The following TCF4 variants were observed in gnomAD, a reference collection of about 807,000 sequenced individuals.
The protein encoded by TCF4 is SL3-3 enhancer factor 2.
In TCF4, 3 loss-of-function variants were observed where a neutral mutation model predicts 82.1. The observed-to-expected ratio is 0.04, with a 90% CI of 0.02 to 0.09. TCF4 has a LOEUF of 0.09. Among genes scored for constraint, TCF4 ranks in the 10% least tolerant of loss-of-function variants. The pLI is 1.00. For synonymous variants in TCF4, 276 were observed against 309.6 expected (o/e 0.89, Z 1.14); for missense variants, 518 against 852.7 (o/e 0.61, Z 4.89).
intron 5 of TCF4, among the ~76,000 whole-genome samples, chr18:55,430,921 C>T (rs1380354182): frequency 5.9e-5 from 9 of 152,108 alleles, no homozygotes; most frequent in Admixed American, 2.0e-4. Flanking sequence ...GATCACATTT[C>T]GCCGAGAAAC....
At chr18:55,432,622 G>T (rs1416355481) in intron 5 of TCF4, among the ~76,000 whole-genome samples, 7 of 152,170 alleles carry the variant, frequency 4.6e-5, no homozygotes. Context: ...TTCATCATCT[G>T]TCAGAGAAAC....
intron 3 of TCF4, among the ~76,000 whole-genome samples, chr18:55,572,496 G>C (rs2097483021): frequency 6.6e-6 from 1 of 152,110 alleles, no homozygotes; most frequent in Non-Finnish European, 1.5e-5. Flanking sequence ...TTGTAAAAAG[G>C]GGAAGCTTCA....
chr18:55,410,816 C>T (rs2094313868), intron 5 of TCF4, among the ~76,000 whole-genome samples: 1 of 152,096 alleles, frequency 6.6e-6, no homozygotes, highest in Non-Finnish European at 1.5e-5. Context: ...TTCTCAAGTT[C>T]CATGATGGAT....
chr18:55,418,259 A>G (rs1197646415), intron 5 of TCF4, among the ~76,000 whole-genome samples: 1 of 152,110 alleles, frequency 6.6e-6, no homozygotes. Flanking sequence ...TTTTGCCTTA[A>G]TTAAGGATAA....
intron 12 of TCF4, chr18:55,261,207 A>AC: frequency 1.9e-6 from 1 of 512,904 alleles, no homozygotes; most frequent in African/African-American, 1.9e-5. Context: ...AAACCTATAA[A>AC]CCCAAAGACC....
intron 3 of TCF4, among the ~76,000 whole-genome samples, chr18:55,526,435 C>T (rs1212116960): frequency 6.6e-6 from 1 of 152,152 alleles, no homozygotes; most frequent in East Asian, 1.9e-4. Context: ...TGATTTCTAA[C>T]ATCTTCTCGA....
intron 8 of TCF4, among the ~76,000 whole-genome samples, chr18:55,346,173 G>A (rs1425782933): frequency 6.6e-6 from 1 of 151,962 alleles, no homozygotes; most frequent in Non-Finnish European, 1.5e-5. Context: ...CCTAATAATT[G>A]CTTCTGTAAA....
chr18:55,259,355 C>T (rs1216162345), intron 13 of TCF4, among the ~76,000 whole-genome samples: 1 of 152,126 alleles, frequency 6.6e-6, no homozygotes, highest in Non-Finnish European at 1.5e-5. Context: ...TATTTACTGA[C>T]ATAATTCTAC....
At chr18:55,562,107 G>T (rs1447022416) in intron 3 of TCF4, among the ~76,000 whole-genome samples, 1 of 152,128 alleles carries the variant, frequency 6.6e-6, no homozygotes, top group Non-Finnish European at 1.5e-5. Flanking sequence ...ATGCTCATTG[G>T]TTTCTTTGCT....
At chr18:55,620,909 A>G (rs2097717259) in intron 2 of TCF4, among the ~76,000 whole-genome samples, 1 of 151,804 alleles carries the variant, frequency 6.6e-6, no homozygotes, top group Admixed American at 6.6e-5. Context: ...TTTATGTACC[A>G]GACAATGTGA....
chr18:55,632,148 C>T (rs2097732202), intron 1 of TCF4, among the ~76,000 whole-genome samples: 1 of 152,168 alleles, frequency 6.6e-6, no homozygotes, highest in South Asian at 2.1e-4. Context: ...AGGCCATTCT[C>T]CTGCCTCAGC....
chr18:55,460,902 G>T, intron 5 of TCF4, 117 bp downstream of exon 5: 1 of 850,280 alleles, frequency 1.2e-6, no homozygotes, highest in Non-Finnish European at 1.9e-6. Context: ...TATTACAAGT[G>T]AACTGACTAA....
intron 6 of TCF4, among the ~76,000 whole-genome samples, chr18:55,391,223 T>C (rs1466374313): frequency 6.6e-6 from 1 of 152,186 alleles, no homozygotes; most frequent in Non-Finnish European, 1.5e-5. Context: ...TCAAATGTAA[T>C]AGATAATATA....
intron 3 of TCF4, among the ~76,000 whole-genome samples, chr18:55,569,676 G>A (rs2097443198): frequency 6.6e-6 from 1 of 151,962 alleles, no homozygotes; most frequent in South Asian, 2.1e-4. Flanking sequence ...TAAATCATCA[G>A]AAAATGTAAA....
At chr18:55,621,875 A>G (rs2097720829) in intron 2 of TCF4, among the ~76,000 whole-genome samples, 2 of 108,282 alleles carry the variant, frequency 1.8e-5, no homozygotes, top group African/African-American at 7.6e-5. Flanking sequence ...TATACACTAT[A>G]TATAATATAT....
chr18:55,564,271 A>G (rs1421714279), intron 3 of TCF4, among the ~76,000 whole-genome samples: 1 of 152,258 alleles, frequency 6.6e-6, no homozygotes, highest in Non-Finnish European at 1.5e-5. Flanking sequence ...TTGTAGAGGT[A>G]CCTCAAGTCC....
intron 6 of TCF4, among the ~76,000 whole-genome samples, chr18:55,356,465 GA>G (rs1256584231): frequency 6.6e-6 from 1 of 152,154 alleles, no homozygotes; most frequent in Admixed American, 6.5e-5. Flanking sequence ...CCACAAGGAT[GA>G]GTTCAGTGGC....
chr18:55,512,301 A>C (rs2096836800), intron 3 of TCF4, among the ~76,000 whole-genome samples: 2 of 152,288 alleles, frequency 1.3e-5, no homozygotes, highest in South Asian at 4.1e-4. Flanking sequence ...ATGTGATGGA[A>C]TATTACGCTG....
chr18:55,343,113 T>C (rs754197861), intron 8 of TCF4, among the ~76,000 whole-genome samples: 10 of 152,128 alleles, frequency 6.6e-5, no homozygotes, highest in Admixed American at 3.9e-4. Flanking sequence ...ACACTTTTTG[T>C]ATGTGTATGT....
Sources: allele counts gnomAD v4.1 joint callset (sites outside exome capture counted in the v4.1 genomes callset), GRCh38; gene constraint gnomAD v4.1.1; transcripts MANE v1.5; gene names NCBI Gene and HGNC (gene_info 2026-07-23, HGNC 2026-07-21).